Variants in HMGCLL1 observed in about 807,000 individuals in gnomAD.
The protein encoded by HMGCLL1 is 3-hydroxymethyl-3-methylglutaryl-CoA lyase, cytoplasmic.
HMGCLL1 carries 36 observed loss-of-function variants against 39.1 expected under a neutral mutation model. That is an observed-to-expected ratio of 0.92 (90% CI 0.71 to 1.22). HMGCLL1 has a LOEUF of 1.22. Ranked by LOEUF, HMGCLL1 falls within the 50% of genes most tolerant of loss-of-function variation. HMGCLL1 has a pLI of 0.00. For synonymous variants in HMGCLL1, 149 were observed against 144.0 expected, an observed-to-expected ratio of 1.03 and a Z score of -0.25; for missense variants, 451 against 416.5, an observed-to-expected ratio of 1.08 and a Z score of -0.72.
intron 5 of HMGCLL1, among the ~76,000 whole-genome samples, chr6:55,505,675 G>T (rs1479140363): frequency 6.6e-6 from 1 of 151,394 alleles, no homozygotes; most frequent in East Asian, 1.9e-4. Context: ...TATAAACTGT[G>T]ATCTCTCTAC....
chr6:55,587,441 C>T, the HMGCLL1 span, among the ~76,000 whole-genome samples: 57 of 150,974 alleles, frequency 3.8e-4, no homozygotes, highest in South Asian at 6.7e-3. Flanking sequence ...AACGAACAAC[C>T]GGAAAATATG....
At chr6:55,445,456 T>A (rs1763781566) in intron 7 of HMGCLL1, among the ~76,000 whole-genome samples, 1 of 152,102 alleles carries the variant, frequency 6.6e-6, no homozygotes, top group Non-Finnish European at 1.5e-5. Context: ...ATTAGTTCTT[T>A]ATTATAAAGA....
chr6:55,454,900 A>G (rs1003034461), intron 7 of HMGCLL1, among the ~76,000 whole-genome samples: 2 of 152,092 alleles, frequency 1.3e-5, no homozygotes, highest in African/African-American at 2.4e-5. Context: ...TAAACTGGAC[A>G]CTGCTGTGTT....
chr6:55,540,646 C>T (rs1049580451), intron 3 of HMGCLL1, among the ~76,000 whole-genome samples: 1 of 152,104 alleles, frequency 6.6e-6, no homozygotes, highest in Non-Finnish European at 1.5e-5. Context: ...TATAGTATCC[C>T]TAAGTGACTA....
At chr6:55,511,961 T>C (rs535114631) in intron 5 of HMGCLL1, 1 of 152,258 alleles carries the variant, frequency 6.6e-6, no homozygotes, top group South Asian at 2.1e-4. Context: ...TCTACTCATT[T>C]TGCTTTACTG....
chr6:55,570,744 G>T lies in HMGCLL1; in HGVS notation c.108+8204C>A, dbSNP rs148300096. Among the ~76,000 whole-genome samples the T allele has an allele frequency of 3.1e-3, 471 of 152,160 alleles. 1 individual carries two copies. The highest frequency in any genetic ancestry group is 0.011 in the African/African-American group (447 of 41,516). ...TCATAAAAGGGGCTTATTATTTTTT[G>T]TGGCAGCTCACTTATTAAGTCTGTG... On this transcript the variant is annotated intron_variant, in intron 1 of 8. Transcript: ENST00000274901.
At chr6:55,488,408 A>G (rs1246376402) in intron 7 of HMGCLL1, among the ~76,000 whole-genome samples, 1 of 152,084 alleles carries the variant, frequency 6.6e-6, no homozygotes, top group African/African-American at 2.4e-5. Context: ...AATTAGATAG[A>G]TTAAAAAATT....
intron 7 of HMGCLL1, among the ~76,000 whole-genome samples, chr6:55,445,722 C>T (rs1434281192): frequency 1.3e-5 from 2 of 151,990 alleles, no homozygotes; most frequent in Non-Finnish European, 2.9e-5. Context: ...CTTATGTTTG[C>T]ACCATATATC....
chr6:55,648,001 T>C, the HMGCLL1 span, among the ~76,000 whole-genome samples: 2 of 119,188 alleles, frequency 1.7e-5, no homozygotes, highest in African/African-American at 6.8e-5. Flanking sequence ...TTCCCACCTA[T>C]GAGTGAGAAT....
the HMGCLL1 span, among the ~76,000 whole-genome samples, chr6:55,599,427 A>C: frequency 6.6e-6 from 1 of 152,178 alleles, no homozygotes; most frequent in Non-Finnish European, 1.5e-5. Context: ...TATGAAGATA[A>C]ATTCAGATAA....
the HMGCLL1 span, among the ~76,000 whole-genome samples, chr6:55,592,208 A>AT: frequency 6.6e-6 from 1 of 151,978 alleles, no homozygotes; most frequent in African/African-American, 2.4e-5. Context: ...TTAGGAAGAC[A>AT]TTCCTCTAGT....
At chr6:55,568,199 G>T (rs1771306448) in intron 1 of HMGCLL1, among the ~76,000 whole-genome samples, 1 of 152,012 alleles carries the variant, frequency 6.6e-6, no homozygotes. Context: ...TCTGAGAGAA[G>T]AAATTAAAAA....
chr6:55,441,838 G>A (rs769083117), intron 7 of HMGCLL1, among the ~76,000 whole-genome samples: 4 of 151,780 alleles, frequency 2.6e-5, no homozygotes, highest in Non-Finnish European at 1.5e-5. Flanking sequence ...TTATAGGTGC[G>A]CACAATCACA....
At chr6:55,588,466 T>C in the HMGCLL1 span, among the ~76,000 whole-genome samples, 1 of 151,740 alleles carries the variant, frequency 6.6e-6, no homozygotes, top group African/African-American at 2.4e-5. Flanking sequence ...AGATCTAAAA[T>C]TGACACCCTA....
At chr6:55,560,916 G>A (rs1770914242) in intron 1 of HMGCLL1, among the ~76,000 whole-genome samples, 1 of 151,886 alleles carries the variant, frequency 6.6e-6, no homozygotes, top group Admixed American at 6.6e-5. Context: ...ATAAATCAAT[G>A]TTTTTCTTTT....
chr6:55,591,847 T>C, the HMGCLL1 span, among the ~76,000 whole-genome samples: 1 of 151,954 alleles, frequency 6.6e-6, no homozygotes. Context: ...TAGTTGAATA[T>C]TTTAAGGGCA....
intron 1 of HMGCLL1, among the ~76,000 whole-genome samples, chr6:55,571,576 C>A (rs939033574): frequency 1.6e-4 from 25 of 151,920 alleles, no homozygotes; most frequent in Admixed American, 1.3e-4. Flanking sequence ...GAGGCCGGGG[C>A]AGGCAGATCA....
chr6:55,500,486 A>T (rs770199294), intron 5 of HMGCLL1, among the ~76,000 whole-genome samples: 48 of 152,022 alleles, frequency 3.2e-4, no homozygotes, highest in Admixed American at 1.2e-3. Flanking sequence ...TTCAGTACAT[A>T]GCTATTGATT....
At chr6:55,441,795 A>AT (rs1763608621) in intron 7 of HMGCLL1, among the ~76,000 whole-genome samples, 1 of 151,948 alleles carries the variant, frequency 6.6e-6, no homozygotes, top group Admixed American at 6.6e-5. Context: ...GGTTCAAGCG[A>AT]TTCTCTTGCC....
Sources: gnomAD v4.1 joint callset for allele counts (sites outside exome capture counted in the v4.1 genomes callset) on GRCh38, gnomAD v4.1.1 for gene constraint, MANE v1.5 for transcripts, NCBI Gene and HGNC (gene_info 2026-07-23, HGNC 2026-07-21) for gene names.